The following LAMA1 variants were observed in gnomAD, a reference collection of about 807,000 sequenced individuals.
LAMA1 encodes laminin subunit alpha-1.
In LAMA1, 219 loss-of-function variants were observed where a neutral mutation model predicts 348.7. The ratio of observed to expected loss-of-function variants is 0.63; its 90% CI spans 0.56 to 0.70. LAMA1 has a LOEUF of 0.70. Among genes scored for constraint, LAMA1 ranks in the 30% least tolerant of loss-of-function variants. The pLI, the probability that LAMA1 is intolerant of heterozygous loss-of-function variation, is 0.00. For missense variants in LAMA1, 3,744 were observed against 3,888.0 expected, an observed-to-expected ratio of 0.96 and a Z score of 0.99; for synonymous variants, 1,487 against 1,491.0, an observed-to-expected ratio of 1.00 and a Z score of 0.06.
chr18:7,093,965 C>A (rs937374764), intron 1 of LAMA1, among the ~76,000 whole-genome samples: 2 of 151,670 alleles, frequency 1.3e-5, no homozygotes, highest in African/African-American at 4.8e-5. Context: ...TTAGTAGAGA[C>A]AGGGTTTTGC....
intron 18 of LAMA1, 131 bp from the exon 19 acceptor site, chr18:7,023,506 A>G (rs2057927944): frequency 3.8e-6 from 3 of 785,638 alleles, no homozygotes; most frequent in African/African-American, 3.4e-5. Flanking sequence ...TGAAAGGGAT[A>G]TGACTCCCCA....
chr18:7,005,609 T>G (rs1223764555), intron 29 of LAMA1, among the ~76,000 whole-genome samples: 1 of 151,980 alleles, frequency 6.6e-6, no homozygotes, highest in African/African-American at 2.4e-5. Flanking sequence ...ATTAGCTGGG[T>G]GTGGTGGCAG....
At chr18:7,001,779 T>C (rs1310349623) in intron 30 of LAMA1, among the ~76,000 whole-genome samples, 1 of 152,196 alleles carries the variant, frequency 6.6e-6, no homozygotes, top group Non-Finnish European at 1.5e-5. Flanking sequence ...ATTCAGGTAA[T>C]TCTGTACAAG....
chr18:6,989,835 A>AC (rs2057751167), intron 36 of LAMA1, among the ~76,000 whole-genome samples: 1 of 152,100 alleles, frequency 6.6e-6, no homozygotes, highest in Non-Finnish European at 1.5e-5. Context: ...TCAGCCCCCC[A>AC]CACATCTGAG....
intron 15 of LAMA1, 39 bp from the exon 16 acceptor site, chr18:7,032,215 T>C: frequency 1.4e-6 from 2 of 1,382,942 alleles, no homozygotes; most frequent in Non-Finnish European, 2.1e-6. Flanking sequence ...TCCACTACGT[T>C]ACAAACAGAA....
chr18:7,100,856 A>T (rs2058288559), intron 1 of LAMA1, among the ~76,000 whole-genome samples: 1 of 152,054 alleles, frequency 6.6e-6, no homozygotes, highest in African/African-American at 2.4e-5. Context: ...CTAAAAATAC[A>T]ACAATTAGCC....
At chr18:7,098,144 C>T (rs926874927) in intron 1 of LAMA1, among the ~76,000 whole-genome samples, 1 of 151,848 alleles carries the variant, frequency 6.6e-6, no homozygotes, top group Admixed American at 6.6e-5. Context: ...GTCTCCTTCA[C>T]TCAGTGCTCA....
At position 7,019,360 on chromosome 18, in the gene LAMA1, CGT is replaced by C. The variant is rs551662043; in HGVS notation, c.2702-1978_2702-1977del. Among the ~76,000 whole-genome samples the C allele has an allele frequency of 2.9e-4, 44 of 152,196 alleles. No homozygotes were observed. The South Asian group carries it at 8.5e-3, about 29-fold the overall frequency. ...CTCTCCTGCCCTCCCTCTTGTTTCT[CGT>C]GTGTCTCCCCTCCGTGTTTCATTTC... On this transcript the variant is annotated intron_variant, in intron 19 of 62. Coordinates refer to ENST00000389658, the MANE Select transcript of LAMA1 (RefSeq NM_005559.4).
chr18:7,039,756 G>C (rs1408300179), intron 10 of LAMA1, among the ~76,000 whole-genome samples: 1 of 152,286 alleles, frequency 6.6e-6, no homozygotes, highest in South Asian at 2.1e-4. Context: ...CTGGTTTAAA[G>C]AAAGAAAACA....
Position 6,990,616 on chromosome 18 carries a change from A to G in LAMA1, c.5168+1945T>C, listed in dbSNP as rs532029849. Among the ~76,000 whole-genome samples, 43 of 152,126 alleles carry G rather than the reference A, an allele frequency of 2.8e-4. No individual in the cohort carries two copies. In the South Asian group the frequency reaches 7.3e-3, roughly 26 times the overall value. The stretch of plus-strand genomic sequence containing the variant: ...ACCTTGGCTTCTGTCACCACTACCC[A>G]TTGCCTCTCAAATTCGATGCAAACT... On this transcript the variant is annotated intron_variant, in intron 36 of 62. Coordinates refer to ENST00000389658, the MANE Select transcript of LAMA1 (RefSeq NM_005559.4).
Position 7,117,694 on chromosome 18 carries a change from C to T in LAMA1, c.27G>A (p.Leu9=). 1 of 1,599,174 alleles carries T rather than the reference C, an allele frequency of 6.3e-7. No individual in the cohort carries two copies. Among genetic ancestry groups the T allele is most frequent in the Non-Finnish European group, 8.5e-7 (1 of 1,178,672 alleles). Residue 9 remains leucine (L), a synonymous_variant, in exon 1 of 63, where the codon TTG becomes TTA. Coordinates refer to ENST00000389658, the MANE Select transcript of LAMA1 (RefSeq NM_005559.4). MRGGVLLV[L]LLCVAAQCRQ... ...GGCACTGCGCGGCGACACACAGCAGCAAGACCAGGAGCACGCCCCCGCGCA... is the reference window on the plus strand; with the variant it reads ...GGCACTGCGCGGCGACACACAGCAGTAAGACCAGGAGCACGCCCCCGCGCA...
chr18:7,032,825 C>T (rs995840134), intron 15 of LAMA1, among the ~76,000 whole-genome samples, 159 bp downstream of exon 15: 5 of 152,146 alleles, frequency 3.3e-5, no homozygotes, highest in African/African-American at 1.2e-4. Context: ...TTTTTTTAAA[C>T]AATGTGACTT....
In LAMA1 at chr18:6,955,469, TAA is replaced by T. The variant is rs2057571392; in HGVS notation, c.8095-6_8095-5del. 6.2e-7 allele frequency: 1 copy of T among 1,611,960 alleles called. No homozygotes were observed. Among genetic ancestry groups the T allele is most frequent in the Admixed American group, 1.7e-5 (1 of 59,982 alleles). ...CTGCATCCACCACACACTGTTCCTG[TAA>T]GAGACACACAGGGACACTCAGCCGC... On this transcript the variant is annotated splice_polypyrimidine_tract_variant and splice_region_variant and intron_variant, in intron 56 of 62. Transcript: ENST00000389658.
At position 7,011,393 on chromosome 18, in the gene LAMA1, G is replaced by A. The variant is rs1184166351; in HGVS notation, c.3594C>T (p.Ala1198=). The change falls in exon 25 of 63, where the codon GCC becomes GCT. Residue 1198 remains alanine, a synonymous_variant. Coordinates refer to ENST00000389658, the MANE Select transcript of LAMA1 (RefSeq NM_005559.4). ...RGTTEGVYYQ[A]PDFLLDAATV... The stretch of plus-strand genomic sequence containing the variant: ...TGGCGGCATCCAGCAGGAAGTCGGG[G>A]GCCTGGTAGTAAACCCCCTCGGTCG... The A allele has an allele frequency of 6.2e-7, 1 of 1,610,678 alleles. No homozygotes were observed. Among genetic ancestry groups the A allele is most frequent in the Non-Finnish European group, 8.5e-7 (1 of 1,178,830 alleles).
Position 6,965,275 on chromosome 18 carries a change from T to A in LAMA1, c.7195+13A>T, listed in dbSNP as rs1363496008. On this transcript the variant is annotated intron_variant, in intron 50 of 62. Transcript: ENST00000389658. ...GGGTGACCGACATCTGGTGAGTCCA[T>A]CTGTGTCCCTACCTTGCTTCCGGTT... 6.2e-7 allele frequency: 1 copy of A among 1,614,178 alleles called. No individual in the cohort carries two copies. Among genetic ancestry groups the A allele is most frequent in the East Asian group, 2.2e-5 (1 of 44,880 alleles).
chr18:7,014,852 TTC>T (rs1451501577), intron 22 of LAMA1, among the ~76,000 whole-genome samples: 1 of 151,388 alleles, frequency 6.6e-6, no homozygotes, highest in Non-Finnish European at 1.5e-5. Flanking sequence ...TTCTTTTCTT[TTC>T]TTTTTTTTCT....
Position 7,097,429 on chromosome 18 carries a change from ATT to A in LAMA1, c.62-16974_62-16973del, listed in dbSNP as rs376877409. The stretch of plus-strand genomic sequence containing the variant: ...TTATTCATGAACGGGAAGATTCAAT[ATT>A]GTTAGACAGCAATTCTCCTTAAATT... On this transcript the variant is annotated intron_variant, in intron 1 of 62. Coordinates refer to ENST00000389658, the MANE Select transcript of LAMA1 (RefSeq NM_005559.4). Among the ~76,000 whole-genome samples the A allele has an allele frequency of 3.5e-3, 529 of 151,092 alleles. 5 individuals are homozygous for A. The highest frequency in any genetic ancestry group is 0.012 in the African/African-American group (501 of 41,242).
At chr18:7,095,929 G>T (rs1038362712) in intron 1 of LAMA1, among the ~76,000 whole-genome samples, 1 of 152,210 alleles carries the variant, frequency 6.6e-6, no homozygotes, top group Non-Finnish European at 1.5e-5. Context: ...TTCGCCAGGC[G>T]TGGTGGCAGG....
intron 1 of LAMA1, among the ~76,000 whole-genome samples, chr18:7,099,068 C>CG (rs1374029115): frequency 1.3e-5 from 2 of 151,598 alleles, no homozygotes; most frequent in African/African-American, 2.4e-5. Context: ...GGATGGTTGC[C>CG]GTGTCTGTGT....
Sources: gnomAD v4.1 joint callset for allele counts (sites outside exome capture counted in the v4.1 genomes callset) on GRCh38, gnomAD v4.1.1 for gene constraint, MANE v1.5 for transcripts, NCBI Gene and HGNC (gene_info 2026-07-23, HGNC 2026-07-21) for gene names.